Variants in ENTREP2 observed in about 807,000 individuals in gnomAD.
ENTREP2 encodes endosomal transmembrane epsin interactor 2.
chr15:29,585,563 G>A, the ENTREP2 span, among the ~76,000 whole-genome samples: 1 of 152,094 alleles, frequency 6.6e-6, no homozygotes, highest in East Asian at 1.9e-4. Context: ...AACATAAAAC[G>A]GCACAACCAC....
chr15:29,655,280 T>C, the ENTREP2 span, among the ~76,000 whole-genome samples: 3 of 152,120 alleles, frequency 2.0e-5, no homozygotes, highest in Non-Finnish European at 4.4e-5. Flanking sequence ...AACCCTAATC[T>C]ATGCACAAGG....
the ENTREP2 span, among the ~76,000 whole-genome samples, chr15:29,407,356 G>A: frequency 2.6e-5 from 4 of 152,208 alleles, no homozygotes; most frequent in African/African-American, 9.7e-5. Context: ...ATTGAGGGAA[G>A]CGTTGGTGTG....
the ENTREP2 span, among the ~76,000 whole-genome samples, chr15:29,408,378 G>A: frequency 6.6e-6 from 1 of 151,760 alleles, no homozygotes; most frequent in Non-Finnish European, 1.5e-5. Context: ...GTGGGCTCAG[G>A]AGCTGGGAAA....
At chr15:29,328,872 A>G in the ENTREP2 span, among the ~76,000 whole-genome samples, 2 of 152,126 alleles carry the variant, frequency 1.3e-5, no homozygotes, top group African/African-American at 4.8e-5. Context: ...AGGTATATAC[A>G]TGTGTTGGTA....
the ENTREP2 span, among the ~76,000 whole-genome samples, chr15:29,589,936 T>C: frequency 6.6e-6 from 1 of 152,186 alleles, no homozygotes; most frequent in Non-Finnish European, 1.5e-5. Context: ...CTTGTGAACT[T>C]TGAAATGCAC....
the ENTREP2 span, among the ~76,000 whole-genome samples, chr15:29,341,802 G>A: frequency 6.6e-6 from 1 of 152,158 alleles, no homozygotes; most frequent in Admixed American, 6.5e-5. Flanking sequence ...GAGAGAAACC[G>A]TGGAAAGTTA....
At chr15:29,178,235 C>T in the ENTREP2 span, among the ~76,000 whole-genome samples, 11 of 148,894 alleles carry the variant, frequency 7.4e-5, no homozygotes, top group South Asian at 1.5e-3. Flanking sequence ...TCAAGGCTGC[C>T]GTGAGCTGTG....
the ENTREP2 span, among the ~76,000 whole-genome samples, chr15:29,656,037 A>AC: frequency 5.2e-3 from 780 of 151,416 alleles, 15 homozygotes; most frequent in African/African-American, 0.018. Flanking sequence ...AAAAAAAAAA[A>AC]AAAAAACAAC....
At chr15:29,572,916 G>T in the ENTREP2 span, among the ~76,000 whole-genome samples, 1 of 151,976 alleles carries the variant, frequency 6.6e-6, no homozygotes, top group African/African-American at 2.4e-5. Flanking sequence ...TGGGTTGAGG[G>T]GTGCCCAAGT....
At chr15:29,532,751 C>A in the ENTREP2 span, among the ~76,000 whole-genome samples, 1 of 152,098 alleles carries the variant, frequency 6.6e-6, no homozygotes. Flanking sequence ...GAGAGACTGC[C>A]AATAGAATTG....
chr15:29,574,841 C>T, the ENTREP2 span, among the ~76,000 whole-genome samples: 635 of 152,266 alleles, frequency 4.2e-3, 3 homozygotes, highest in East Asian at 0.021. Context: ...CAATTTCTGC[C>T]TATGGAAGAG....
At chr15:29,398,867 A>C in the ENTREP2 span, among the ~76,000 whole-genome samples, 1 of 152,114 alleles carries the variant, frequency 6.6e-6, no homozygotes, top group South Asian at 2.1e-4. Context: ...GACTGTGAAT[A>C]TGTATGTGAT....
At chr15:29,512,436 A>C in the ENTREP2 span, among the ~76,000 whole-genome samples, 5 of 152,130 alleles carry the variant, frequency 3.3e-5, no homozygotes, top group African/African-American at 1.2e-4. Context: ...TCCCTTTCCT[A>C]ATTATCACTC....
At chr15:29,413,674 CTTCCTACCAAATT>C in the ENTREP2 span, among the ~76,000 whole-genome samples, 1 of 152,164 alleles carries the variant, frequency 6.6e-6, no homozygotes, top group Non-Finnish European at 1.5e-5. Flanking sequence ...CTCTTCCCCT[CTTCCTACCAAATT>C]TTCTTACAGC....
the ENTREP2 span, among the ~76,000 whole-genome samples, chr15:29,567,254 A>T: frequency 6.6e-6 from 1 of 152,106 alleles, no homozygotes; most frequent in African/African-American, 2.4e-5. Context: ...CCTGTCTCCA[A>T]CCTTGCCGAG....
At chr15:29,536,020 C>G in the ENTREP2 span, among the ~76,000 whole-genome samples, 3 of 152,296 alleles carry the variant, frequency 2.0e-5, no homozygotes, top group East Asian at 5.8e-4. Context: ...TTCCCTCGGA[C>G]AGATCCCCAG....
At chr15:29,280,990 C>T in the ENTREP2 span, among the ~76,000 whole-genome samples, 2 of 152,040 alleles carry the variant, frequency 1.3e-5, no homozygotes, top group African/African-American at 2.4e-5. Flanking sequence ...AAAATGTACC[C>T]GTGAAATTTT....
chr15:29,234,861 G>C, the ENTREP2 span: 1 of 1,431,270 alleles, frequency 7.0e-7, no homozygotes, highest in South Asian at 1.1e-5. Context: ...TTTGCTTGGT[G>C]CCCCGAACGA....
the ENTREP2 span, among the ~76,000 whole-genome samples, chr15:29,278,484 G>A: frequency 1.3e-5 from 2 of 152,216 alleles, no homozygotes; most frequent in Admixed American, 1.3e-4. Context: ...CTGCTGCCAG[G>A]CTTCAAGGTT....
Sources: gnomAD v4.1 joint callset for allele counts (sites outside exome capture counted in the v4.1 genomes callset) on GRCh38, gnomAD v4.1.1 for gene constraint, MANE v1.5 for transcripts, NCBI Gene and HGNC (gene_info 2026-07-23, HGNC 2026-07-21) for gene names.